Variants in NSD1 observed in about 807,000 individuals in gnomAD.
NSD1 encodes nuclear receptor binding SET domain protein 1.
In NSD1, 26 loss-of-function variants were observed where a neutral mutation model predicts 242.7. The observed-to-expected ratio is 0.11, with a 90% CI of 0.08 to 0.15. The LOEUF (loss-of-function observed/expected upper bound fraction) is 0.15. Among genes scored for constraint, NSD1 ranks in the 10% least tolerant of loss-of-function variants. The probability of loss-of-function intolerance (pLI) is 1.00; values close to 1 mark genes in which losing one functional copy is unlikely to be tolerated. For synonymous variants in NSD1, 1,106 were observed against 1,178.1 expected (o/e 0.94, Z 1.25); for missense variants, 2,495 against 3,272.8 (o/e 0.76, Z 5.80).
chr5:177,195,720 C>T (rs77278980), intron 3 of NSD1, among the ~76,000 whole-genome samples: 3,903 of 152,284 alleles, frequency 0.026, 49 homozygotes, highest in African/African-American at 0.029. Flanking sequence ...CTGCCCGCCT[C>T]GGCCTCCCAA....
intron 12 of NSD1, 51 bp downstream of exon 12, chr5:177,251,904 T>C (rs778796304): frequency 6.2e-7 from 1 of 1,611,872 alleles, no homozygotes; most frequent in Admixed American, 1.7e-5. Flanking sequence ...GAATTTTAAG[T>C]TTTTCAGGAA....
At chr5:177,197,960 G>C (rs1470022499) in intron 3 of NSD1, among the ~76,000 whole-genome samples, 1 of 152,090 alleles carries the variant, frequency 6.6e-6, no homozygotes, top group Non-Finnish European at 1.5e-5. Context: ...AGGCAGATAG[G>C]TATATAGGAT....
At chr5:177,265,597 G>T in intron 14 of NSD1, 3 of 1,352,108 alleles carry the variant, frequency 2.2e-6, no homozygotes, top group South Asian at 1.2e-5. Context: ...CTGTGGAGCA[G>T]GACAGGTCGC....
At chr5:177,158,012 A>G (rs1203143803) in intron 2 of NSD1, among the ~76,000 whole-genome samples, 1 of 152,152 alleles carries the variant, frequency 6.6e-6, no homozygotes, top group Non-Finnish European at 1.5e-5. Flanking sequence ...CTTGACGGAC[A>G]TTTTGTTTCT....
At chr5:177,273,835 G>A in intron 17 of NSD1, 51 bp downstream of exon 17, 12 of 1,165,218 alleles carry the variant, frequency 1.0e-5, no homozygotes, top group Non-Finnish European at 1.4e-5. Context: ...TGGAATAGCT[G>A]GCTCTTCCCA....
At chr5:177,192,080 GTTATC>G in intron 3 of NSD1, 61 bp downstream of exon 3, 1 of 1,405,442 alleles carries the variant, frequency 7.1e-7, no homozygotes, top group Non-Finnish European at 9.8e-7. Flanking sequence ...CTCAATTTTT[GTTATC>G]TTAATAATAA....
At chr5:177,267,489 A>G (rs1353424693) in intron 14 of NSD1, 73 bp from the exon 15 acceptor site, 6 of 1,174,724 alleles carry the variant, frequency 5.1e-6, no homozygotes, top group South Asian at 3.7e-5. Context: ...ATATATATAT[A>G]TATGTGTATG....
intron 8 of NSD1, among the ~76,000 whole-genome samples, chr5:177,243,000 T>G (rs1766005610): frequency 1.3e-5 from 2 of 152,196 alleles, no homozygotes; most frequent in Admixed American, 1.3e-4. Flanking sequence ...TTGATTAGAC[T>G]CCTGATGTTG....
chr5:177,175,289 C>T (rs751212413), intron 2 of NSD1, among the ~76,000 whole-genome samples: 7 of 152,036 alleles, frequency 4.6e-5, no homozygotes, highest in Non-Finnish European at 5.9e-5. Context: ...TAATTTATTT[C>T]GGCAGTGAGT....
At chr5:177,136,678 C>T (rs1374780609) in intron 2 of NSD1, among the ~76,000 whole-genome samples, 1 of 151,558 alleles carries the variant, frequency 6.6e-6, no homozygotes, top group South Asian at 2.1e-4. Flanking sequence ...ACTGCAACCT[C>T]TGCCTCTTGG....
intron 21 of NSD1, among the ~76,000 whole-genome samples, chr5:177,290,639 C>T (rs560692896): frequency 7.7e-6 from 1 of 129,860 alleles, no homozygotes; most frequent in South Asian, 2.2e-4. Flanking sequence ...AAACTCCTGA[C>T]CTCAGGTGAT....
intron 22 of NSD1, among the ~76,000 whole-genome samples, chr5:177,293,288 G>C (rs1759990737): frequency 6.6e-6 from 1 of 152,100 alleles, no homozygotes; most frequent in South Asian, 2.1e-4. Context: ...GATTCCATGT[G>C]AACAACATAT....
intron 3 of NSD1, among the ~76,000 whole-genome samples, chr5:177,203,827 C>T (rs1280932980): frequency 6.6e-6 from 1 of 152,080 alleles, no homozygotes; most frequent in Non-Finnish European, 1.5e-5. Flanking sequence ...ACTTACCTGT[C>T]TACTATCTTA....
intron 21 of NSD1, among the ~76,000 whole-genome samples, chr5:177,289,610 C>A (rs1215738027): frequency 6.6e-6 from 1 of 152,114 alleles, no homozygotes; most frequent in East Asian, 1.9e-4. Flanking sequence ...CTTTCTCTTT[C>A]TGAAGATACC....
intron 8 of NSD1, among the ~76,000 whole-genome samples, chr5:177,240,506 T>G (rs1306334463): frequency 1.3e-5 from 2 of 151,868 alleles, no homozygotes; most frequent in African/African-American, 2.4e-5. Context: ...AAGGTCAGGA[T>G]ATCGAGACCA....
At chr5:177,142,677 T>C (rs1756924428) in intron 2 of NSD1, among the ~76,000 whole-genome samples, 2 of 152,184 alleles carry the variant, frequency 1.3e-5, no homozygotes, top group African/African-American at 4.8e-5. Context: ...ATGCCCTCAG[T>C]TTCTCCCTTT....
intron 17 of NSD1, 137 bp from the exon 18 acceptor site, chr5:177,280,428 A>G: frequency 6.3e-6 from 6 of 954,280 alleles, no homozygotes; most frequent in South Asian, 4.0e-5. Context: ...CTGTTTTTAT[A>G]TGAAACTAAG....
At chr5:177,192,615 C>T (rs944247932) in intron 3 of NSD1, among the ~76,000 whole-genome samples, 4 of 152,128 alleles carry the variant, frequency 2.6e-5, no homozygotes, top group Admixed American at 2.0e-4. Flanking sequence ...AGACTGGTCT[C>T]GAGCTCCCGA....
rs1554172560 is a variant in NSD1, at chr5:177,158,293, C to CTTTCTTTCTTTTCTTTCTTTTCTTTCT, written c.927+22284_927+22310dup. 1.9e-3 allele frequency among the ~76,000 whole-genome samples: 151 copies of CTTTCTTTCTTTTCTTTCTTTTCTTTCT among 77,688 alleles called. 1 individual carries two copies. Among genetic ancestry groups the CTTTCTTTCTTTTCTTTCTTTTCTTTCT allele is most frequent in the Non-Finnish European group, 3.4e-3 (126 of 37,342 alleles). The allele number at this position is 77,688 out of a possible 152,430, so 51.0% of individuals were successfully genotyped here. A position where few individuals can be genotyped will look rare whatever the true frequency, so the allele number is the denominator to read the frequency against. On this transcript the variant is annotated intron_variant, in intron 2 of 22. Coordinates refer to ENST00000439151, the MANE Select transcript of NSD1 (RefSeq NM_022455.5). ...TCTTTCTTTCTTTCTTTCTTTCTTT[C>CTTTCTTTCTTTTCTTTCTTTTCTTTCT]TTTCTTTCTTTTCTTTCTTTTCTTT...
Sources: allele counts gnomAD v4.1 joint callset (sites outside exome capture counted in the v4.1 genomes callset), GRCh38; gene constraint gnomAD v4.1.1; transcripts MANE v1.5; gene names NCBI Gene and HGNC (gene_info 2026-07-23, HGNC 2026-07-21).